RAC2: variants seen among roughly 807,000 people sequenced by gnomAD.
RAC2 encodes Rac family small GTPase 2, also known as ras-related C3 botulinum toxin substrate 2.
A neutral mutation model predicts 24.0 loss-of-function variants in RAC2; 1 was observed. The ratio of observed to expected loss-of-function variants is 0.04; its 90% CI spans 0.01 to 0.20. The LOEUF (loss-of-function observed/expected upper bound fraction) is 0.20, where lower values mean the gene tolerates loss of function less well. Ranked by LOEUF, RAC2 falls within the 10% of genes least tolerant of loss-of-function variation. RAC2 has a pLI of 1.00. For synonymous variants in RAC2, 114 were observed against 106.8 expected (o/e 1.07, Z -0.41); for missense variants, 130 against 259.1 (o/e 0.50, Z 3.42).
At chr22:37,237,197 AAGGAAGGGAGGAAGGGAGGG>A (rs1927250497) in intron 2 of RAC2, among the ~76,000 whole-genome samples, 4 of 137,996 alleles carry the variant, frequency 2.9e-5, no homozygotes, top group South Asian at 2.6e-4. Context: ...GGAAGGAAGG[AAGGAAGGGAGGAAGGGAGGG>A]AGGAAGGGAG....
chr22:37,231,532 GGA>G lies in RAC2; in HGVS notation c.289-144_289-143del. Reference sequence around the variant, plus strand: ...AGATCAGAGGTGGGCACGACGGTGAGGAGAGAGAGACGTGAGGTGGCACAGGG... The same window carrying G: ...AGATCAGAGGTGGGCACGACGGTGAGGAGAGAGACGTGAGGTGGCACAGGG... On this transcript the variant is annotated intron_variant, in intron 4 of 6. Transcript: ENST00000249071. This position sits in a 1 kb window ranked among gnomAD's most constrained non-coding sequence, Gnocchi z 5.5. The G allele has an allele frequency of 1.3e-6, 1 of 753,040 alleles. No individual in the cohort carries two copies. The highest frequency in any genetic ancestry group is 3.4e-4 in the Middle Eastern group (1 of 2,912). The allele number at this position is 753,040 out of a possible 1,614,324, so 46.6% of individuals were successfully genotyped here.
chr22:37,240,526 G>C (rs969247387), intron 2 of RAC2, among the ~76,000 whole-genome samples: 1 of 150,176 alleles, frequency 6.7e-6, no homozygotes, highest in African/African-American at 2.4e-5. Flanking sequence ...GGCTATGATC[G>C]ATCTTCCTGT....
intron 2 of RAC2, chr22:37,240,724 G>T (rs747562884): frequency 9.6e-6 from 4 of 417,988 alleles, no homozygotes; most frequent in Admixed American, 7.0e-5. Flanking sequence ...TCACTCTGGG[G>T]AGTGGAGACC....
intron 5 of RAC2, among the ~76,000 whole-genome samples, chr22:37,229,159 C>G (rs1926978423): frequency 6.6e-6 from 1 of 152,224 alleles, no homozygotes; most frequent in African/African-American, 2.4e-5. Flanking sequence ...TTTGGCTCGG[C>G]CTCTCACTGC....
intron 2 of RAC2, among the ~76,000 whole-genome samples, chr22:37,239,538 C>A (rs1927328875): frequency 6.6e-6 from 1 of 152,190 alleles, no homozygotes; most frequent in African/African-American, 2.4e-5. Context: ...CTCCAGGCTG[C>A]TGAGAGCACC....
chr22:37,241,276 C>A, intron 2 of RAC2: 2 of 691,492 alleles, frequency 2.9e-6, no homozygotes, highest in Non-Finnish European at 5.3e-6. Context: ...TCCGCAGAAG[C>A]TCCTCTCCCA....
At position 37,225,697 on chromosome 22, in the gene RAC2, G is replaced by C. The variant is rs1436625108; in HGVS notation, c.*345C>G. 3 of 152,314 alleles carry C rather than the reference G, an allele frequency of 2.0e-5. No individual in the cohort carries two copies. The highest frequency in any genetic ancestry group is 4.4e-5 in the Non-Finnish European group (3 of 68,090). The allele number at this position is 152,314 out of a possible 1,614,324, so 9.4% of individuals were successfully genotyped here. A position where few individuals can be genotyped will look rare whatever the true frequency, so the allele number is the denominator to read the frequency against. ...CATCTGGCCTGCAGTTTCCAGAGGGGAGTCAGGCGTGGGGTGGGACTGGAG... is the reference window on the plus strand; with the variant it reads ...CATCTGGCCTGCAGTTTCCAGAGGGCAGTCAGGCGTGGGGTGGGACTGGAG... On this transcript the variant is annotated 3_prime_UTR_variant, in exon 7 of 7. Transcript: ENST00000249071.
intron 2 of RAC2, among the ~76,000 whole-genome samples, chr22:37,233,380 T>A (rs1365735113): frequency 1.3e-5 from 2 of 152,240 alleles, no homozygotes; most frequent in Admixed American, 1.3e-4. Context: ...CCCCCTGGGT[T>A]CAAGTGATTC....
chr22:37,229,535 T>TGG (rs1926991690), intron 5 of RAC2, among the ~76,000 whole-genome samples: 2 of 152,324 alleles, frequency 1.3e-5, no homozygotes, highest in East Asian at 3.9e-4. Context: ...GATTATCAGC[T>TGG]GGGCTCAGGG....
At chr22:37,233,097 A>G (rs1927119806) in intron 2 of RAC2, among the ~76,000 whole-genome samples, 179 bp from the exon 3 acceptor site, 1 of 152,234 alleles carries the variant, frequency 6.6e-6, no homozygotes, top group Non-Finnish European at 1.5e-5. Context: ...GATTCATTAT[A>G]TTTTTTAAAA....
At chr22:37,235,708 T>C (rs1350914230) in intron 2 of RAC2, among the ~76,000 whole-genome samples, 2 of 152,176 alleles carry the variant, frequency 1.3e-5, no homozygotes, top group African/African-American at 2.4e-5. Flanking sequence ...ACCTGTGTTG[T>C]TTTTCCAGTT....
Position 37,241,581 on chromosome 22 carries a change from A to G in RAC2, c.107+6T>C, listed in dbSNP as rs1202554381. 2 of 1,610,622 alleles carry G rather than the reference A, an allele frequency of 1.2e-6. No homozygotes were observed. Among genetic ancestry groups the G allele is most frequent in the Non-Finnish European group, 1.7e-6 (2 of 1,176,990 alleles). On this transcript the variant is annotated splice_donor_region_variant and intron_variant, in intron 2 of 6. Coordinates refer to ENST00000249071, the MANE Select transcript of RAC2 (RefSeq NM_002872.5). Reference sequence around the variant, plus strand: ...CCCACCACCCCACATATCCCCAGGAACTCACACGGTGGGGATGTACTCTCC... The same window carrying G: ...CCCACCACCCCACATATCCCCAGGAGCTCACACGGTGGGGATGTACTCTCC...
At chr22:37,232,099 C>CT in intron 3 of RAC2, 105 bp from the exon 4 acceptor site, 1 of 1,155,620 alleles carries the variant, frequency 8.7e-7, no homozygotes, top group Non-Finnish European at 1.3e-6. Flanking sequence ...GTGGAACACC[C>CT]CAGGGAATGC....
rs551439373 is a variant in RAC2, at chr22:37,229,041, G to C, written c.448+2190C>G. On this transcript the variant is annotated intron_variant, in intron 5 of 6. Coordinates refer to ENST00000249071, the MANE Select transcript of RAC2 (RefSeq NM_002872.5). ...ACTTGGCCACTGTCTCCTTATAAGGGACCACATCTGCGTCCACTTCCCCCA... is the reference window on the plus strand; with the variant it reads ...ACTTGGCCACTGTCTCCTTATAAGGCACCACATCTGCGTCCACTTCCCCCA... Among the ~76,000 whole-genome samples, 30 of 152,318 alleles carry C rather than the reference G, an allele frequency of 2.0e-4. No individual in the cohort carries two copies. In the South Asian group the frequency reaches 6.2e-3, roughly 32 times the overall value.
chr22:37,235,904 C>G (rs1927207838), intron 2 of RAC2, among the ~76,000 whole-genome samples: 1 of 152,148 alleles, frequency 6.6e-6, no homozygotes, highest in Non-Finnish European at 1.5e-5. Context: ...TCTCTGAGGC[C>G]AGGCAGGGGG....
chr22:37,241,241 GGA>G, intron 2 of RAC2: 1 of 744,772 alleles, frequency 1.3e-6, no homozygotes, highest in Non-Finnish European at 2.5e-6. Context: ...CAGGCTCTCT[GGA>G]TCACCTCCTC....
intron 1 of RAC2, among the ~76,000 whole-genome samples, chr22:37,242,520 A>G (rs1927433089): frequency 6.6e-6 from 1 of 152,160 alleles, no homozygotes; most frequent in Non-Finnish European, 1.5e-5. Flanking sequence ...CCAGAGGCCA[A>G]GGGACAGCTC....
chr22:37,231,368 T>C lies in RAC2; in HGVS notation c.311A>G (p.His104Arg). 3.1e-6 allele frequency: 5 copies of C among 1,614,014 alleles called. No homozygotes were observed. The highest frequency in any genetic ancestry group is 4.2e-6 in the Non-Finnish European group (5 of 1,180,006). ...CAGGATGATGGGTGTGCTGGGGCAGTGGTGCCGCACTTCTGGGAACCACTG... is the reference window on the plus strand; with the variant it reads ...CAGGATGATGGGTGTGCTGGGGCAGCGGTGCCGCACTTCTGGGAACCACTG... ...RAKWFPEVRH[H>R]CPSTPIILVG... Residue 104 changes from histidine (H) to arginine (R), a missense_variant, in exon 5 of 7, where the codon CAC becomes CGC. Around this residue, in one of 2 missense-constraint regions of RAC2, gnomAD observed 119 missense variants for 192.1 expected, o/e 0.62. Transcript: ENST00000249071. This position sits in a 1 kb window ranked among gnomAD's most constrained non-coding sequence, Gnocchi z 5.5.
intron 2 of RAC2, among the ~76,000 whole-genome samples, chr22:37,237,201 A>G (rs532798999): frequency 1.6e-4 from 22 of 135,068 alleles, no homozygotes; most frequent in Non-Finnish European, 2.6e-4. Context: ...GGAAGGAAGG[A>G]AGGGAGGAAG....
Sources: gnomAD v4.1 joint callset for allele counts (sites outside exome capture counted in the v4.1 genomes callset) on GRCh38, gnomAD v4.1.1 for gene constraint, gnomAD v4.1.1 regional missense constraint, Gnocchi (gnomAD v3.1) non-coding constraint, MANE v1.5 for transcripts, NCBI Gene and HGNC (gene_info 2026-07-23, HGNC 2026-07-21) for gene names.